The following NIPA1 variants were observed in gnomAD, a reference collection of about 807,000 sequenced individuals.
NIPA1 encodes NIPA magnesium transporter 1, also known as magnesium transporter NIPA1.
NIPA1 carries 13 observed loss-of-function variants against 23.9 expected under a neutral mutation model. The observed-to-expected ratio is 0.54, with a 90% CI of 0.35 to 0.87. The LOEUF (loss-of-function observed/expected upper bound fraction) is 0.87, where lower values mean the gene tolerates loss of function less well. NIPA1 is among the 40% of genes least tolerant of loss of function. The pLI, the probability that NIPA1 is intolerant of heterozygous loss-of-function variation, is 0.01. For synonymous variants in NIPA1, 234 were observed against 202.9 expected (o/e 1.15, Z -1.30); for missense variants, 362 against 429.7 (o/e 0.84, Z 1.39).
At position 22,826,387 on chromosome 15, in the gene NIPA1, C is replaced by A. The variant is rs886050997; in HGVS notation, c.*2148C>A. The A allele has an allele frequency of 6.6e-6, 1 of 152,130 alleles. No homozygotes were observed. The highest frequency in any genetic ancestry group is 1.5e-5 in the Non-Finnish European group (1 of 68,028). 9.4% of individuals were successfully genotyped at this position (152,130 alleles called of 1,614,324 possible). ...TTTATCATCAGTGCTTTTAGAAATG[C>A]AGGCCTTAACTTACTGAACTGAACT... On this transcript the variant is annotated 3_prime_UTR_variant, in exon 5 of 5. Coordinates refer to ENST00000337435, the MANE Select transcript of NIPA1 (RefSeq NM_144599.5).
At chr15:22,813,519 T>G in intron 3 of NIPA1, 1 of 408,490 alleles carries the variant, frequency 2.4e-6, no homozygotes, top group Non-Finnish European at 4.8e-6. Context: ...CGTGTGAACC[T>G]ATTTATATTC....
intron 1 of NIPA1, among the ~76,000 whole-genome samples, chr15:22,800,291 C>T (rs1895049000): frequency 1.3e-5 from 2 of 152,156 alleles, no homozygotes; most frequent in South Asian, 4.1e-4. Context: ...ATTTCATCTG[C>T]ATATTGCCAC....
At chr15:22,804,357 G>A (rs1355615445) in intron 1 of NIPA1, among the ~76,000 whole-genome samples, 6 of 151,912 alleles carry the variant, frequency 3.9e-5, no homozygotes, top group African/African-American at 1.5e-4. Context: ...TCCTGACCTC[G>A]TGATCCACCC....
intron 1 of NIPA1, among the ~76,000 whole-genome samples, chr15:22,796,665 G>C (rs944533734): frequency 2.0e-5 from 3 of 151,970 alleles, no homozygotes; most frequent in African/African-American, 7.3e-5. Context: ...TTAACCATGA[G>C]GGACTAGAAA....
At chr15:22,803,145 T>G (rs1369564479) in intron 1 of NIPA1, among the ~76,000 whole-genome samples, 1 of 151,716 alleles carries the variant, frequency 6.6e-6, no homozygotes. Context: ...TTAGTAGAGA[T>G]GGGATTTCAC....
rs2140876490 is a variant in NIPA1, at chr15:22,822,423, C to T, written c.479-1305C>T. Among the ~76,000 whole-genome samples the T allele has an allele frequency of 1.3e-5, 2 of 152,224 alleles. 1 individual carries two copies. Among genetic ancestry groups the T allele is most frequent in the South Asian group, 4.1e-4 (2 of 4,822 alleles). ...CCCCAATCATTGCAAAACCCACAAA[C>T]ACCCCCACAGCTTAAAGTCCTCCCT... On this transcript the variant is annotated intron_variant, in intron 4 of 4. Transcript: ENST00000337435.
chr15:22,824,316 A>C lies in NIPA1; in HGVS notation c.*77A>C. ...TGGCCGTGATTGGATGTGAAGTAGA[A>C]GAGGTCCTCGATCATGGTGTTAGAA... On this transcript the variant is annotated 3_prime_UTR_variant, in exon 5 of 5. Coordinates refer to ENST00000337435, the MANE Select transcript of NIPA1 (RefSeq NM_144599.5). The surrounding 1 kb of genome is among the most constrained non-coding windows in gnomAD (Gnocchi z 4.1). The C allele has an allele frequency of 8.2e-7, 1 of 1,218,280 alleles. No individual in the cohort carries two copies. The highest frequency in any genetic ancestry group is 1.2e-6 in the Non-Finnish European group (1 of 821,530). 75.5% of individuals were successfully genotyped at this position (1,218,280 alleles called of 1,614,324 possible).
Position 22,822,202 on chromosome 15 carries a change from A to T in NIPA1, c.479-1526A>T, listed in dbSNP as rs762109078. ...ATTTACATGGAAGTGACATGTCTGA[A>T]GAATTCAGCATATATTAAATCCATG... On this transcript the variant is annotated intron_variant, in intron 4 of 4. Transcript: ENST00000337435. 9.5e-4 allele frequency among the ~76,000 whole-genome samples: 144 copies of T among 152,348 alleles called. 1 individual carries two copies. The highest frequency in any genetic ancestry group is 1.7e-3 in the Non-Finnish European group (113 of 68,028).
rs142319573 is a variant in NIPA1 at position 22,795,029 on chromosome 15, C to T, written c.178+8195C>T. ...AGGCATCTAACTGGCCACAGGGAGCCGCAGAGTGAGGATGGCGAACCTGAG... is the reference window on the plus strand; with the variant it reads ...AGGCATCTAACTGGCCACAGGGAGCTGCAGAGTGAGGATGGCGAACCTGAG... On this transcript the variant is annotated intron_variant, in intron 1 of 4. Coordinates refer to ENST00000337435, the MANE Select transcript of NIPA1 (RefSeq NM_144599.5). 2.2e-3 allele frequency among the ~76,000 whole-genome samples: 332 copies of T among 152,180 alleles called. 1 individual carries two copies. Among genetic ancestry groups the T allele is most frequent in the African/African-American group, 7.4e-3 (308 of 41,524 alleles).
intron 1 of NIPA1, among the ~76,000 whole-genome samples, chr15:22,791,434 G>A (rs1352376518): frequency 6.9e-6 from 1 of 144,858 alleles, no homozygotes; most frequent in Admixed American, 7.0e-5. Flanking sequence ...TCTGGTGACA[G>A]TCCTTCTACT....
chr15:22,811,094 C>T lies in NIPA1; in HGVS notation c.226+298C>T, dbSNP rs115569949. On this transcript the variant is annotated intron_variant, in intron 2 of 4. Coordinates refer to ENST00000337435, the MANE Select transcript of NIPA1 (RefSeq NM_144599.5). ...AGTCCAGGCTGATCTGTCCTGGGCCCGAAGAAATTAAAACAGCTCCTGCTT... is the reference window on the plus strand; with the variant it reads ...AGTCCAGGCTGATCTGTCCTGGGCCTGAAGAAATTAAAACAGCTCCTGCTT... 1,493 of 397,782 alleles carry T rather than the reference C, an allele frequency of 3.8e-3. 17 individuals carry two copies. The highest frequency in any genetic ancestry group is 0.028 in the African/African-American group (1,381 of 49,554). 24.6% of individuals were successfully genotyped at this position (397,782 alleles called of 1,614,324 possible). A position where few individuals can be genotyped will look rare whatever the true frequency, so the allele number is the denominator to read the frequency against.
intron 1 of NIPA1, among the ~76,000 whole-genome samples, chr15:22,793,580 A>G (rs1171953718): frequency 6.6e-6 from 1 of 151,730 alleles, no homozygotes; most frequent in Admixed American, 6.6e-5. Flanking sequence ...AGCTGGGACT[A>G]CAGGTGTCCG....
intron 3 of NIPA1, among the ~76,000 whole-genome samples, chr15:22,819,099 A>G (rs548853556): frequency 2.6e-5 from 4 of 152,082 alleles, no homozygotes; most frequent in Admixed American, 1.3e-4. Flanking sequence ...TATTTCCCCA[A>G]TGACACTGTT....
chr15:22,812,013 A>C (rs1199931534), intron 2 of NIPA1, 150 bp from the exon 3 acceptor site: 5 of 690,516 alleles, frequency 7.2e-6, no homozygotes, highest in Non-Finnish European at 5.2e-6. Flanking sequence ...TGACCCCTTA[A>C]ATGTGCAGAT....
intron 3 of NIPA1, chr15:22,813,861 A>G: frequency 5.2e-6 from 2 of 381,082 alleles, no homozygotes; most frequent in South Asian, 1.9e-5. Context: ...CTGGGAGGGC[A>G]AGAGTGTTCT....
Position 22,795,078 on chromosome 15 carries a change from C to T in NIPA1, c.178+8244C>T, listed in dbSNP as rs117662642. Among the ~76,000 whole-genome samples the T allele has an allele frequency of 7.2e-3, 1,094 of 152,166 alleles. 19 individuals are homozygous for T. Among genetic ancestry groups the T allele is most frequent in the East Asian group, 0.055 (283 of 5,164 alleles). ...AGCCTTTTATTTTATGAAAGGATTT[C>T]GGAGCTGTCTTCAGGTGCCTCGGAG... On this transcript the variant is annotated intron_variant, in intron 1 of 4. Transcript: ENST00000337435.
At chr15:22,807,154 A>G (rs1895226369) in intron 1 of NIPA1, among the ~76,000 whole-genome samples, 1 of 152,120 alleles carries the variant, frequency 6.6e-6, no homozygotes. Context: ...AACAAAAACC[A>G]TTTTGTTCAC....
chr15:22,818,566 C>T (rs900885245), intron 3 of NIPA1, among the ~76,000 whole-genome samples: 2 of 151,862 alleles, frequency 1.3e-5, no homozygotes, highest in Admixed American at 6.6e-5. Context: ...GGAGGCGAGG[C>T]GGGTGAATCA....
At chr15:22,822,828 C>CA (rs778863557) in intron 4 of NIPA1, among the ~76,000 whole-genome samples, 1 of 142,004 alleles carries the variant, frequency 7.0e-6, no homozygotes, top group Non-Finnish European at 1.5e-5. Context: ...AACTCCATCT[C>CA]AAAAAAACAA....
Sources: allele counts gnomAD v4.1 joint callset (sites outside exome capture counted in the v4.1 genomes callset), GRCh38; gene constraint gnomAD v4.1.1; non-coding constraint Gnocchi (gnomAD v3.1); transcripts MANE v1.5; gene names NCBI Gene and HGNC (gene_info 2026-07-23, HGNC 2026-07-21).